The following CDC42SE2 variants were observed in gnomAD, a reference collection of about 807,000 sequenced individuals.
CDC42SE2 encodes the protein CDC42 small effector protein 2.
CDC42SE2 carries 3 observed loss-of-function variants against 11.5 expected under a neutral mutation model. The ratio of observed to expected loss-of-function variants is 0.26; its 90% CI spans 0.12 to 0.67. CDC42SE2 has a LOEUF of 0.67. Among genes scored for constraint, CDC42SE2 ranks in the 30% least tolerant of loss-of-function variants. The pLI, the probability that CDC42SE2 is intolerant of heterozygous loss-of-function variation, is 0.80. For missense variants in CDC42SE2, 82 were observed against 106.8 expected (o/e 0.77, Z 1.02); for synonymous variants, 33 against 34.8 (o/e 0.95, Z 0.18).
At chr5:131,326,080 AG>A (rs1252206439) in intron 2 of CDC42SE2, among the ~76,000 whole-genome samples, 2 of 152,078 alleles carry the variant, frequency 1.3e-5, no homozygotes, top group Non-Finnish European at 2.9e-5. Context: ...AATCTGAGTT[AG>A]TAATATATTT....
At chr5:131,268,054 C>CT (rs148354795) in intron 1 of CDC42SE2, among the ~76,000 whole-genome samples, 4,553 of 65,462 alleles carry the variant, frequency 0.07, 844 homozygotes, top group African/African-American at 0.1. Context: ...CATGCTTATT[C>CT]TTTTTTTTTT....
the CDC42SE2 span, among the ~76,000 whole-genome samples, chr5:131,229,047 A>C: frequency 6.6e-6 from 1 of 152,198 alleles, no homozygotes; most frequent in African/African-American, 2.4e-5. Context: ...TATATCCTGA[A>C]GTTTCTGAAG....
intron 1 of CDC42SE2, among the ~76,000 whole-genome samples, chr5:131,267,769 A>G (rs1382427338): frequency 6.6e-6 from 1 of 152,058 alleles, no homozygotes; most frequent in African/African-American, 2.4e-5. Flanking sequence ...TTAAAGTCCC[A>G]GTTGTCTTTT....
intron 3 of CDC42SE2, among the ~76,000 whole-genome samples, chr5:131,369,201 G>A (rs1005808140): frequency 5.3e-5 from 8 of 151,970 alleles, no homozygotes; most frequent in East Asian, 1.9e-4. Context: ...AATCTTTTGC[G>A]TTTTCTTCTT....
intron 1 of CDC42SE2, among the ~76,000 whole-genome samples, chr5:131,298,110 ATT>A (rs368135855): frequency 7.0e-6 from 1 of 142,494 alleles, no homozygotes. Flanking sequence ...TCATCTTTAA[ATT>A]TTTTTTTTTT....
chr5:131,224,981 A>G, the CDC42SE2 span, among the ~76,000 whole-genome samples: 4 of 151,894 alleles, frequency 2.6e-5, no homozygotes, highest in African/African-American at 9.7e-5. Context: ...GAAGACAGGG[A>G]ATGGGGGGTC....
chr5:131,296,897 A>G (rs1243740003), intron 1 of CDC42SE2, among the ~76,000 whole-genome samples: 1 of 151,584 alleles, frequency 6.6e-6, no homozygotes, highest in Non-Finnish European at 1.5e-5. Context: ...TCTTTTTTTT[A>G]TTGAAGATTA....
intron 2 of CDC42SE2, among the ~76,000 whole-genome samples, chr5:131,351,336 G>A (rs1759004758): frequency 1.3e-5 from 2 of 151,822 alleles, no homozygotes; most frequent in African/African-American, 4.8e-5. Context: ...CTCACTGCAA[G>A]CTTTGCCTCC....
chr5:131,312,020 CT>C (rs1757929139), intron 1 of CDC42SE2, among the ~76,000 whole-genome samples: 2 of 152,190 alleles, frequency 1.3e-5, no homozygotes, highest in South Asian at 4.1e-4. Context: ...GAGAGGCGCT[CT>C]GCTTTTTAGA....
intron 1 of CDC42SE2, among the ~76,000 whole-genome samples, chr5:131,312,639 G>A (rs766905118): frequency 4.6e-5 from 7 of 152,200 alleles, no homozygotes; most frequent in East Asian, 3.9e-4. Flanking sequence ...ATATAATCTC[G>A]TGGTGCGCTG....
chr5:131,284,374 A>G (rs557978025), intron 1 of CDC42SE2, among the ~76,000 whole-genome samples: 14 of 152,352 alleles, frequency 9.2e-5, no homozygotes, highest in Admixed American at 9.2e-4. Flanking sequence ...AATTCATTGT[A>G]AAGGATTTCA....
chr5:131,388,017 A>G (rs1369234141), intron 4 of CDC42SE2, among the ~76,000 whole-genome samples: 1 of 151,788 alleles, frequency 6.6e-6, no homozygotes, highest in African/African-American at 2.4e-5. Flanking sequence ...TTTTTTTTTG[A>G]GACAGAGTCT....
intron 1 of CDC42SE2, among the ~76,000 whole-genome samples, chr5:131,309,472 G>A (rs1257684142): frequency 6.6e-6 from 1 of 151,932 alleles, no homozygotes; most frequent in Non-Finnish European, 1.5e-5. Flanking sequence ...AAATGAGTTA[G>A]GGAGGATTCC....
chr5:131,252,791 A>AT (rs1756651935), intron 1 of CDC42SE2, among the ~76,000 whole-genome samples: 1 of 152,174 alleles, frequency 6.6e-6, no homozygotes, highest in African/African-American at 2.4e-5. Context: ...TCAGCCTCTC[A>AT]TATCTTCCTG....
chr5:131,267,639 A>G (rs963501564), intron 1 of CDC42SE2, among the ~76,000 whole-genome samples: 8 of 152,158 alleles, frequency 5.3e-5, no homozygotes, highest in African/African-American at 1.9e-4. Flanking sequence ...AACATGGCAT[A>G]TTGCAGCTGT....
intron 1 of CDC42SE2, among the ~76,000 whole-genome samples, chr5:131,278,714 CCCCT>C (rs1561569801): frequency 1.3e-4 from 6 of 44,542 alleles, no homozygotes; most frequent in Non-Finnish European, 1.7e-4. Flanking sequence ...CCTTTCCTCT[CCCCT>C]CCCCTCCCCC....
chr5:131,290,460 T>G (rs150292460), intron 1 of CDC42SE2, among the ~76,000 whole-genome samples: 20 of 151,448 alleles, frequency 1.3e-4, no homozygotes, highest in South Asian at 6.2e-4. Context: ...ACTGGCTGCT[T>G]CTTTTTTCTT....
At chr5:131,295,082 A>G (rs942276241) in intron 1 of CDC42SE2, among the ~76,000 whole-genome samples, 1 of 151,820 alleles carries the variant, frequency 6.6e-6, no homozygotes, top group Non-Finnish European at 1.5e-5. Flanking sequence ...AGCCGAGATC[A>G]TGCCACTGCG....
intron 1 of CDC42SE2, among the ~76,000 whole-genome samples, chr5:131,282,907 G>T (rs183074657): frequency 9.3e-4 from 139 of 149,440 alleles, no homozygotes; most frequent in South Asian, 1.5e-3. Flanking sequence ...GGGATTACAA[G>T]TGTGAGCCAC....
Sources: allele counts gnomAD v4.1 joint callset (sites outside exome capture counted in the v4.1 genomes callset), GRCh38; gene constraint gnomAD v4.1.1; transcripts MANE v1.5; gene names NCBI Gene and HGNC (gene_info 2026-07-23, HGNC 2026-07-21).